The following ADGRB3 variants were observed in gnomAD, a reference collection of about 807,000 sequenced individuals.
ADGRB3 encodes the protein brain-specific angiogenesis inhibitor 3.
Under a neutral mutation model 193.4 loss-of-function variants are expected in ADGRB3, and 37 were observed. The observed-to-expected ratio is 0.19, with a 90% CI of 0.15 to 0.25. The LOEUF is 0.25. ADGRB3 is among the 10% of genes least tolerant of loss of function. ADGRB3 has a pLI of 1.00. For missense variants in ADGRB3, 1,637 were observed against 1,852.9 expected (o/e 0.88, Z 2.14); for synonymous variants, 690 against 644.2 (o/e 1.07, Z -1.08).
At chr6:69,307,072 T>C (rs1044628981) in intron 20 of ADGRB3, among the ~76,000 whole-genome samples, 1 of 147,174 alleles carries the variant, frequency 6.8e-6, no homozygotes, top group Non-Finnish European at 1.5e-5. Flanking sequence ...TAAAAATAGC[T>C]TTTTTTTTTG....
intron 20 of ADGRB3, among the ~76,000 whole-genome samples, chr6:69,307,902 C>G (rs1373340328): frequency 6.6e-6 from 1 of 151,324 alleles, no homozygotes; most frequent in African/African-American, 2.4e-5. Context: ...TGGTTCGATT[C>G]AAGTTATGTA....
intron 3 of ADGRB3, among the ~76,000 whole-genome samples, chr6:68,818,050 A>G (rs1424639859): frequency 6.6e-6 from 1 of 152,098 alleles, no homozygotes; most frequent in Non-Finnish European, 1.5e-5. Context: ...TCAAGCCACC[A>G]AAGTTCAGTG....
At chr6:69,058,810 C>A (rs1771626023) in intron 15 of ADGRB3, among the ~76,000 whole-genome samples, 1 of 152,014 alleles carries the variant, frequency 6.6e-6, no homozygotes, top group African/African-American at 2.4e-5. Flanking sequence ...GGAAAAGATA[C>A]TTGGTAAGAT....
chr6:69,140,454 G>A (rs1774298162), intron 17 of ADGRB3, among the ~76,000 whole-genome samples: 1 of 152,150 alleles, frequency 6.6e-6, no homozygotes, highest in Admixed American at 6.5e-5. Context: ...AACTCATGAA[G>A]GTAGAGAGTA....
chr6:68,740,821 C>T (rs183605664), intron 3 of ADGRB3, among the ~76,000 whole-genome samples: 3 of 152,144 alleles, frequency 2.0e-5, no homozygotes. Context: ...GGGGCAAAAC[C>T]GTTTGTTTCA....
chr6:68,742,989 A>G (rs1398782767), intron 3 of ADGRB3, among the ~76,000 whole-genome samples: 1 of 151,898 alleles, frequency 6.6e-6, no homozygotes, highest in Non-Finnish European at 1.5e-5. Flanking sequence ...ACTTGTGTTT[A>G]TTCTTACAGC....
rs369136409 is a variant in ADGRB3, at chr6:68,977,899, CA to C, written c.1734+2563del. Reference sequence around the variant, plus strand: ...AAGTATGCCCTAGGCGCAATTGTTCCAAAACCTAATCTCTTTTCTTTAGGCC... The same window carrying C: ...AAGTATGCCCTAGGCGCAATTGTTCCAAACCTAATCTCTTTTCTTTAGGCC... On this transcript the variant is annotated intron_variant, in intron 10 of 31. Coordinates refer to ENST00000370598, the MANE Select transcript of ADGRB3 (RefSeq NM_001704.3). 2.2e-3 allele frequency among the ~76,000 whole-genome samples: 328 copies of C among 147,784 alleles called. 2 individuals are homozygous for C. The highest frequency in any genetic ancestry group is 7.6e-3 in the African/African-American group (312 of 41,198).
At chr6:69,038,329 GACACACAC>G (rs35438298) in intron 13 of ADGRB3, among the ~76,000 whole-genome samples, 1 of 149,472 alleles carries the variant, frequency 6.7e-6, no homozygotes, top group Non-Finnish European at 1.5e-5. Context: ...TGAATACACA[GACACACAC>G]ACACACACAC....
At chr6:68,846,666 T>A (rs1267749201) in intron 3 of ADGRB3, among the ~76,000 whole-genome samples, 2 of 152,174 alleles carry the variant, frequency 1.3e-5, no homozygotes, top group Non-Finnish European at 2.9e-5. Flanking sequence ...AGTCAAGAAT[T>A]GAGGTTTGGG....
chr6:68,745,084 CT>C (rs918554707), intron 3 of ADGRB3, among the ~76,000 whole-genome samples: 1 of 152,102 alleles, frequency 6.6e-6, no homozygotes, highest in African/African-American at 2.4e-5. Context: ...AGCAATCCCA[CT>C]TTTGGATACA....
intron 3 of ADGRB3, among the ~76,000 whole-genome samples, chr6:68,850,241 G>A (rs552808639): frequency 1.2e-4 from 18 of 151,588 alleles, no homozygotes; most frequent in African/African-American, 4.4e-4. Context: ...CTTTTAATTG[G>A]ACATACTTGA....
rs576523768 is a variant in ADGRB3, at chr6:69,283,572, A to G, written c.2815-41300A>G. ...AATTGTGACAGCGTGAACTTTGGCA[A>G]GTTACCTGATCTCTCCATACCTCAG... is the stretch of plus-strand genomic sequence containing the variant. On this transcript the variant is annotated intron_variant, in intron 20 of 31. Transcript: ENST00000370598. Among the ~76,000 whole-genome samples, 47 of 152,164 alleles carry G rather than the reference A, an allele frequency of 3.1e-4. 1 individual carries two copies. The highest frequency in any genetic ancestry group is 6.0e-4 in the Non-Finnish European group (41 of 68,000).
intron 13 of ADGRB3, among the ~76,000 whole-genome samples, chr6:69,044,480 C>T (rs982325374): frequency 1.6e-4 from 24 of 152,126 alleles, no homozygotes; most frequent in Admixed American, 1.4e-3. Flanking sequence ...CAAAGAAGTG[C>T]TCATTGGTTA....
chr6:69,354,502 A>G (rs1301912661), intron 27 of ADGRB3, among the ~76,000 whole-genome samples, 174 bp downstream of exon 27: 1 of 152,206 alleles, frequency 6.6e-6, no homozygotes, highest in Admixed American at 6.5e-5. Context: ...ATGGCTTCAG[A>G]GTCCAGGACA....
chr6:68,800,847 C>A (rs1255843773), intron 3 of ADGRB3, among the ~76,000 whole-genome samples: 1 of 152,058 alleles, frequency 6.6e-6, no homozygotes, highest in East Asian at 1.9e-4. Context: ...CAAACAGCTG[C>A]TGTGGGAGCA....
chr6:69,122,675 T>G (rs925225704), intron 17 of ADGRB3, among the ~76,000 whole-genome samples: 31 of 152,038 alleles, frequency 2.0e-4, no homozygotes, highest in Admixed American at 8.5e-4. Flanking sequence ...GGAAAACTGA[T>G]TATTCTTTCA....
intron 3 of ADGRB3, among the ~76,000 whole-genome samples, chr6:68,811,471 G>A (rs572934738): frequency 1.3e-4 from 20 of 151,972 alleles, no homozygotes; most frequent in Admixed American, 3.3e-4. Flanking sequence ...CTTGGGGTTC[G>A]TTTGTTTGTT....
intron 20 of ADGRB3, among the ~76,000 whole-genome samples, chr6:69,322,389 A>G (rs971207757): frequency 6.6e-6 from 1 of 151,928 alleles, no homozygotes; most frequent in Non-Finnish European, 1.5e-5. Flanking sequence ...TTGCTGGGTC[A>G]AGTGATATTT....
intron 20 of ADGRB3, among the ~76,000 whole-genome samples, chr6:69,263,289 C>G (rs1335716010): frequency 6.6e-6 from 1 of 152,004 alleles, no homozygotes; most frequent in Non-Finnish European, 1.5e-5. Context: ...AATCCTTATT[C>G]TCATTCATAT....
Sources: gnomAD v4.1 joint callset for allele counts (sites outside exome capture counted in the v4.1 genomes callset) on GRCh38, gnomAD v4.1.1 for gene constraint, MANE v1.5 for transcripts, NCBI Gene and HGNC (gene_info 2026-07-23, HGNC 2026-07-21) for gene names.